Variants in SMAD2 observed in about 807,000 individuals in gnomAD.
SMAD2 encodes SMAD family member 2, also known as MAD homolog 2.
A neutral mutation model predicts 64.4 loss-of-function variants in SMAD2; 8 were observed. The observed-to-expected ratio is 0.12, with a 90% confidence interval of 0.07 to 0.22. The LOEUF (loss-of-function observed/expected upper bound fraction) is 0.22, where lower values mean the gene tolerates loss of function less well. Among genes scored for constraint, SMAD2 ranks in the 10% least tolerant of loss-of-function variants. The pLI, the probability that SMAD2 is intolerant of heterozygous loss-of-function variation, is 1.00. For synonymous variants in SMAD2, 203 were observed against 195.8 expected (o/e 1.04, Z -0.31); for missense variants, 289 against 561.2 (o/e 0.51, Z 4.90).
chr18:47,830,042 T>G lies in SMAD2; in HGVS notation c.*11785A>C, dbSNP rs1912927223. 6.6e-6 allele frequency: 1 copy of G among 152,220 alleles called. No homozygotes were observed. Among genetic ancestry groups the G allele is most frequent in the South Asian group, 2.1e-4 (1 of 4,832 alleles). The allele number at this position is 152,220 out of a possible 1,614,324, so 9.4% of individuals were successfully genotyped here. ...GTGGTTTGCAGGCCACTAATTCTTT[T>G]ACAGATGAAAGCATTCAATTATCTC... On this transcript the variant is annotated 3_prime_UTR_variant, in exon 11 of 11. Coordinates refer to ENST00000262160, the MANE Select transcript of SMAD2 (RefSeq NM_005901.6).
chr18:47,876,529 TA>T (rs2032273434), intron 2 of SMAD2, among the ~76,000 whole-genome samples: 1 of 151,986 alleles, frequency 6.6e-6, no homozygotes. Flanking sequence ...TAGCTTAAAT[TA>T]AAAAGAGGTG....
Position 47,828,193 on chromosome 18 carries a change from T to A in SMAD2, c.*13634A>T. 6.6e-6 allele frequency: 1 copy of A among 151,858 alleles called. No homozygotes were observed. The highest frequency in any genetic ancestry group is 1.4e-5 in the Non-Finnish European group (1 of 71,082). The allele number at this position is 151,858 out of a possible 1,614,324, so 9.4% of individuals were successfully genotyped here. A position where few individuals can be genotyped will look rare whatever the true frequency, so the allele number is the denominator to read the frequency against. On this transcript the variant is annotated 3_prime_UTR_variant, in exon 11 of 11. Transcript: ENST00000262160. Reference sequence around the variant, plus strand: ...CACCCCGTCCGGGAAGTAAGGAGCGTCTCCGCCCAGCAGCCGCCCCGTCTG... The same window carrying A: ...CACCCCGTCCGGGAAGTAAGGAGCGACTCCGCCCAGCAGCCGCCCCGTCTG...
chr18:47,852,333 G>T (rs2030189416), intron 6 of SMAD2, among the ~76,000 whole-genome samples: 1 of 152,016 alleles, frequency 6.6e-6, no homozygotes, highest in Non-Finnish European at 1.5e-5. Context: ...TCACACTTTG[G>T]GATAAAACAG....
chr18:47,840,875 AT>A lies in SMAD2; in HGVS notation c.*951del. ...AAAATAATTATACTGCCACCTATGC[AT>A]TTTTTATGAGGTGGAAGGATAAATC... On this transcript the variant is annotated 3_prime_UTR_variant, in exon 11 of 11. Transcript: ENST00000262160. 4.3e-6 allele frequency: 1 copy of A among 232,286 alleles called. No individual in the cohort carries two copies. Among genetic ancestry groups the A allele is most frequent in the Non-Finnish European group, 8.5e-6 (1 of 117,418 alleles). 14.4% of individuals were successfully genotyped at this position (232,286 alleles called of 1,614,324 possible).
chr18:47,930,595 GAGGGA>G lies in SMAD2; in HGVS notation c.-293_-289del, dbSNP rs1301021685. The G allele has an allele frequency of 5.6e-4, 84 of 149,388 alleles. No individual in the cohort carries two copies. Among genetic ancestry groups the G allele is most frequent in the African/African-American group, 2.0e-3 (82 of 40,844 alleles). The allele number at this position is 149,388 out of a possible 1,614,324, so 9.3% of individuals were successfully genotyped here. On this transcript the variant is annotated 5_prime_UTR_variant, in exon 1 of 11. Transcript: ENST00000262160. ...GAAGAGAGGGGAGGGGAGGGGAGGA[GAGGGA>G]AGGGGAGGGGAGGGAGCCTGGCCGC...
intron 2 of SMAD2, among the ~76,000 whole-genome samples, chr18:47,882,026 T>A (rs1397387014): frequency 7.0e-6 from 1 of 143,508 alleles, no homozygotes; most frequent in Non-Finnish European, 1.5e-5. Context: ...CACAGGAATG[T>A]ACTACCACGC....
chr18:47,897,061 A>C (rs1478499472), intron 1 of SMAD2, among the ~76,000 whole-genome samples: 1 of 152,226 alleles, frequency 6.6e-6, no homozygotes, highest in African/African-American at 2.4e-5. Context: ...GTAAAATCAG[A>C]TACTTTTAAC....
chr18:47,849,342 G>C (rs1473824285), intron 7 of SMAD2, among the ~76,000 whole-genome samples: 3 of 151,856 alleles, frequency 2.0e-5, no homozygotes, highest in Non-Finnish European at 4.4e-5. Flanking sequence ...TCTGCAGTTT[G>C]ACTAAAACAT....
intron 8 of SMAD2, among the ~76,000 whole-genome samples, chr18:47,846,915 T>C (rs1290246461): frequency 6.6e-6 from 1 of 152,188 alleles, no homozygotes; most frequent in Non-Finnish European, 1.5e-5. Context: ...CCAGATTTAA[T>C]ACAGAACCTG....
At chr18:47,894,355 G>A (rs767702865) in intron 2 of SMAD2, among the ~76,000 whole-genome samples, 3 of 152,168 alleles carry the variant, frequency 2.0e-5, no homozygotes, top group Non-Finnish European at 4.4e-5. Flanking sequence ...TGACTTCTGA[G>A]CCTTCAGACC....
At chr18:47,928,849 G>C (rs537098515) in intron 1 of SMAD2, among the ~76,000 whole-genome samples, 2 of 152,192 alleles carry the variant, frequency 1.3e-5, no homozygotes, top group Non-Finnish European at 1.5e-5. Context: ...AACCTGGCCA[G>C]TGAACAGCCT....
rs1259548492 is a variant in SMAD2 at position 47,819,110 on chromosome 18, T to C, written c.*22717A>G. 3.3e-5 allele frequency: 5 copies of C among 152,368 alleles called. No individual in the cohort carries two copies. The highest frequency in any genetic ancestry group is 1.2e-4 in the African/African-American group (5 of 41,594). 9.4% of individuals were successfully genotyped at this position (152,368 alleles called of 1,614,324 possible). On this transcript the variant is annotated 3_prime_UTR_variant, in exon 11 of 11. Coordinates refer to ENST00000262160, the MANE Select transcript of SMAD2 (RefSeq NM_005901.6). ...TAAATGAGTGCTAATACAAAATATATAGTAATTAACACAAGTGCCTTTTAG... is the reference window on the plus strand; with the variant it reads ...TAAATGAGTGCTAATACAAAATATACAGTAATTAACACAAGTGCCTTTTAG...
chr18:47,885,748 G>T (rs966986229), intron 2 of SMAD2, among the ~76,000 whole-genome samples: 8 of 152,108 alleles, frequency 5.3e-5, no homozygotes, highest in Non-Finnish European at 2.9e-5. Context: ...GATCGCTTGA[G>T]CCCAGGAGTT....
intron 7 of SMAD2, among the ~76,000 whole-genome samples, chr18:47,850,255 T>A (rs1208955813): frequency 5.0e-5 from 4 of 80,612 alleles, no homozygotes; most frequent in African/African-American, 2.2e-4. Flanking sequence ...ATTATATATA[T>A]TATGTATAAT....
chr18:47,923,054 TA>T (rs1238765866), intron 1 of SMAD2, among the ~76,000 whole-genome samples: 7 of 91,098 alleles, frequency 7.7e-5, no homozygotes, highest in African/African-American at 4.2e-4. Flanking sequence ...AGAGACTACT[TA>T]TTTTTTTTTT....
chr18:47,889,938 T>C (rs1568087455), intron 2 of SMAD2, among the ~76,000 whole-genome samples: 1 of 152,226 alleles, frequency 6.6e-6, no homozygotes, highest in African/African-American at 2.4e-5. Flanking sequence ...TGTTACATGA[T>C]AAAATTACAG....
intron 2 of SMAD2, chr18:47,878,228 AT>A (rs1281219021): frequency 6.6e-6 from 1 of 152,194 alleles, no homozygotes; most frequent in African/African-American, 2.4e-5. Context: ...ATGAAACAGA[AT>A]TTTAAAAAAT....
Position 47,830,194 on chromosome 18 carries a change from CAG to C in SMAD2, c.*11631_*11632del, listed in dbSNP as rs1477162146. The C allele has an allele frequency of 2.6e-5, 4 of 152,148 alleles. No homozygotes were observed. The highest frequency in any genetic ancestry group is 9.7e-5 in the African/African-American group (4 of 41,436). The allele number at this position is 152,148 out of a possible 1,614,324, so 9.4% of individuals were successfully genotyped here. On this transcript the variant is annotated 3_prime_UTR_variant, in exon 11 of 11. Coordinates refer to ENST00000262160, the MANE Select transcript of SMAD2 (RefSeq NM_005901.6). ...AGTAGCTTGTGGTTCTTGGGTAAAA[CAG>C]ACACTAATAAGTTTTTTTTCAATAT...
At chr18:47,898,490 C>T (rs1446052008) in intron 1 of SMAD2, among the ~76,000 whole-genome samples, 1 of 152,128 alleles carries the variant, frequency 6.6e-6, no homozygotes, top group Non-Finnish European at 1.5e-5. Flanking sequence ...TGCACATATT[C>T]TTAACGTTAA....
Sources: gnomAD v4.1 joint callset for allele counts (sites outside exome capture counted in the v4.1 genomes callset) on GRCh38, gnomAD v4.1.1 for gene constraint, MANE v1.5 for transcripts, NCBI Gene and HGNC (gene_info 2026-07-23, HGNC 2026-07-21) for gene names.